The following USP45 variants were observed in gnomAD, a reference collection of about 807,000 sequenced individuals.
USP45 encodes ubiquitin carboxyl-terminal hydrolase 45.
In USP45, 89 loss-of-function variants were observed where a neutral mutation model predicts 95.8. That is an observed-to-expected ratio of 0.93 (90% CI 0.78 to 1.11). The LOEUF (loss-of-function observed/expected upper bound fraction) is 1.11, where lower values mean the gene tolerates loss of function less well. Among genes scored for constraint, USP45 ranks in the 50% least tolerant of loss-of-function variants. The pLI, the probability that USP45 is intolerant of heterozygous loss-of-function variation, is 0.00. For missense variants in USP45, 898 were observed against 942.5 expected (o/e 0.95, Z 0.62); for synonymous variants, 281 against 316.2 (o/e 0.89, Z 1.18).
At chr6:99,437,131 AAAGC>A (rs1164030624) in intron 17 of USP45, 111 bp downstream of exon 17, 23 of 990,734 alleles carry the variant, frequency 2.3e-5, no homozygotes, top group Middle Eastern at 6.4e-4. Context: ...AAGTTAAAAT[AAAGC>A]AAGCAAGCAA....
At chr6:99,468,707 C>T (rs1230596360) in intron 9 of USP45, 89 bp from the exon 10 acceptor site, 12 of 784,552 alleles carry the variant, frequency 1.5e-5, no homozygotes, top group Non-Finnish European at 2.4e-5. Flanking sequence ...CAGCAAGGTA[C>T]ACTGTGGATT....
At chr6:99,450,986 C>A (rs552077220) in intron 13 of USP45, among the ~76,000 whole-genome samples, 1 of 152,268 alleles carries the variant, frequency 6.6e-6, no homozygotes, top group African/African-American at 2.4e-5. Context: ...ATTCAACAGC[C>A]CTTAATGCTA....
chr6:99,455,096 AAAAAAAC>A (rs1784742181), intron 13 of USP45, among the ~76,000 whole-genome samples: 1 of 150,840 alleles, frequency 6.6e-6, no homozygotes, highest in African/African-American at 2.4e-5. Context: ...TCTCAAAAAA[AAAAAAAC>A]AAAAAACAAA....
chr6:99,457,551 T>C (rs1369418660), intron 13 of USP45, among the ~76,000 whole-genome samples: 1 of 152,214 alleles, frequency 6.6e-6, no homozygotes. Flanking sequence ...ATATACCTCA[T>C]AAATATGTAC....
At chr6:99,475,658 C>T (rs960298651) in intron 9 of USP45, among the ~76,000 whole-genome samples, 5 of 151,970 alleles carry the variant, frequency 3.3e-5, no homozygotes, top group Admixed American at 2.0e-4. Context: ...ATTTTATTTA[C>T]AGCCAAAGGA....
At chr6:99,460,748 C>G in intron 13 of USP45, 1 of 979,874 alleles carries the variant, frequency 1.0e-6, no homozygotes, top group Non-Finnish European at 1.2e-6. Context: ...AATAAGAGGA[C>G]TATGATTTTC....
rs536197242 is a variant in USP45, at chr6:99,480,008, G to A, written c.845+2745C>T. On this transcript the variant is annotated intron_variant, in intron 8 of 17. Coordinates refer to ENST00000500704, the MANE Select transcript of USP45 (RefSeq NM_001346022.3). ...CATTGTCTACATAGGAAATACCAAC[G>A]AATCAACATAAAGCTAAGAGAACTA... Among the ~76,000 whole-genome samples, 15 of 152,228 alleles carry A rather than the reference G, an allele frequency of 9.9e-5. No homozygotes were observed. In the East Asian group the frequency reaches 2.1e-3, roughly 22 times the overall value.
At chr6:99,503,141 C>T (rs1157518910) in intron 5 of USP45, among the ~76,000 whole-genome samples, 1 of 152,082 alleles carries the variant, frequency 6.6e-6, no homozygotes, top group African/African-American at 2.4e-5. Context: ...AATTATCATC[C>T]TAATTTTATA....
At chr6:99,469,478 ATATATATATTTTT>A (rs1788806662) in intron 9 of USP45, among the ~76,000 whole-genome samples, 2 of 12,420 alleles carry the variant, frequency 1.6e-4, no homozygotes, top group Non-Finnish European at 6.9e-4. Flanking sequence ...TATAATATAT[ATATATATATTTTT>A]TTTTTTTTTG....
chr6:99,490,589 T>C (rs1794955326), intron 5 of USP45, among the ~76,000 whole-genome samples: 1 of 152,014 alleles, frequency 6.6e-6, no homozygotes, highest in Non-Finnish European at 1.5e-5. Context: ...TTGATGGAAA[T>C]AGGGGAACAT....
At chr6:99,456,703 A>T (rs1785169331) in intron 13 of USP45, among the ~76,000 whole-genome samples, 1 of 152,146 alleles carries the variant, frequency 6.6e-6, no homozygotes, top group African/African-American at 2.4e-5. Flanking sequence ...TTGCCTCAGG[A>T]CCATGTGATA....
At chr6:99,508,352 T>C (rs1188900767) in intron 3 of USP45, among the ~76,000 whole-genome samples, 1 of 152,194 alleles carries the variant, frequency 6.6e-6, no homozygotes, top group Non-Finnish European at 1.5e-5. Flanking sequence ...AGGTAAAGAC[T>C]GGTCCAGATA....
intron 5 of USP45, among the ~76,000 whole-genome samples, chr6:99,494,203 T>TC (rs1422351180): frequency 6.6e-6 from 1 of 152,146 alleles, no homozygotes; most frequent in East Asian, 1.9e-4. Flanking sequence ...TAATAAAAAA[T>TC]AAAAGCAATT....
At chr6:99,460,349 A>G (rs1003163393) in intron 13 of USP45, among the ~76,000 whole-genome samples, 1 of 152,170 alleles carries the variant, frequency 6.6e-6, no homozygotes, top group Non-Finnish European at 1.5e-5. Flanking sequence ...AAGAAATGAA[A>G]ATGATCAAAG....
At chr6:99,478,808 T>C (rs905556217) in intron 8 of USP45, among the ~76,000 whole-genome samples, 10 of 152,070 alleles carry the variant, frequency 6.6e-5, no homozygotes, top group African/African-American at 2.4e-4. Flanking sequence ...AAGACCTTGC[T>C]CCCAAATAAG....
intron 13 of USP45, among the ~76,000 whole-genome samples, chr6:99,452,528 C>T (rs1352130345): frequency 2.6e-5 from 4 of 152,194 alleles, no homozygotes; most frequent in Non-Finnish European, 4.4e-5. Flanking sequence ...CAGGAAACAA[C>T]AGGTGCTGGA....
intron 13 of USP45, among the ~76,000 whole-genome samples, chr6:99,453,377 G>C (rs1784338197): frequency 6.6e-6 from 1 of 151,686 alleles, no homozygotes; most frequent in Non-Finnish European, 1.5e-5. Context: ...CAACAAAGTA[G>C]CTGGAAAAAA....
intron 15 of USP45, among the ~76,000 whole-genome samples, chr6:99,441,347 C>T (rs1781486092): frequency 6.6e-6 from 1 of 152,118 alleles, no homozygotes; most frequent in Non-Finnish European, 1.5e-5. Flanking sequence ...GCCTGACTGA[C>T]ATGGTAAAAC....
intron 9 of USP45, among the ~76,000 whole-genome samples, chr6:99,473,754 CA>C (rs1368977194): frequency 2.2e-4 from 12 of 54,784 alleles, no homozygotes; most frequent in East Asian, 7.2e-4. Flanking sequence ...GACCCTGTCT[CA>C]AAAAAAAAAC....
Sources: gnomAD v4.1 joint callset for allele counts (sites outside exome capture counted in the v4.1 genomes callset) on GRCh38, gnomAD v4.1.1 for gene constraint, MANE v1.5 for transcripts, NCBI Gene and HGNC (gene_info 2026-07-23, HGNC 2026-07-21) for gene names.